The following CDH18 variants were observed in gnomAD, a reference collection of about 807,000 sequenced individuals.
The protein encoded by CDH18 is cadherin 18.
Under a neutral mutation model 67.9 loss-of-function variants are expected in CDH18, and 31 were observed. The ratio of observed to expected loss-of-function variants is 0.46; its 90% confidence interval spans 0.34 to 0.62. The LOEUF (loss-of-function observed/expected upper bound fraction) is 0.62, where lower values mean the gene tolerates loss of function less well. Among genes scored for constraint, CDH18 ranks in the 20% least tolerant of loss-of-function variants. The probability of loss-of-function intolerance (pLI) is 0.01; values close to 1 mark genes in which losing one functional copy is unlikely to be tolerated. For missense variants in CDH18, 890 were observed against 975.5 expected, an observed-to-expected ratio of 0.91 and a Z score of 1.17; for synonymous variants, 362 against 347.2, an observed-to-expected ratio of 1.04 and a Z score of -0.48.
intron 2 of CDH18, among the ~76,000 whole-genome samples, chr5:20,097,094 T>C (rs1746053775): frequency 6.6e-6 from 1 of 152,186 alleles, no homozygotes; most frequent in Non-Finnish European, 1.5e-5. Context: ...ATTTTAAAAA[T>C]TTATCTACCT....
intron 1 of CDH18, among the ~76,000 whole-genome samples, chr5:20,290,375 A>G (rs1218611035): frequency 6.6e-6 from 1 of 152,146 alleles, no homozygotes; most frequent in East Asian, 1.9e-4. Context: ...CTGTGCAGCT[A>G]GAAATGTGTG....
At chr5:19,780,617 A>G (rs552215499) in intron 3 of CDH18, among the ~76,000 whole-genome samples, 61 of 152,218 alleles carry the variant, frequency 4.0e-4, no homozygotes, top group African/African-American at 1.4e-3. Flanking sequence ...GCAGAACATC[A>G]CAGCCTGGTT....
intron 1 of CDH18, among the ~76,000 whole-genome samples, chr5:20,382,655 G>A (rs953623493): frequency 6.6e-6 from 1 of 152,052 alleles, no homozygotes; most frequent in African/African-American, 2.4e-5. Context: ...AGCTTAAGGG[G>A]TGCAATTAGG....
At chr5:19,921,353 A>G (rs905741648) in intron 2 of CDH18, among the ~76,000 whole-genome samples, 2 of 152,072 alleles carry the variant, frequency 1.3e-5, no homozygotes, top group Non-Finnish European at 2.9e-5. Flanking sequence ...AACACAGTGA[A>G]ACCCTGTCTC....
chr5:19,589,759 T>G (rs549693528), intron 7 of CDH18, among the ~76,000 whole-genome samples: 5 of 152,246 alleles, frequency 3.3e-5, no homozygotes, highest in African/African-American at 9.6e-5. Flanking sequence ...CCTCATTCCC[T>G]CTACTCTGGA....
At chr5:20,441,966 C>A (rs959535014) in intron 1 of CDH18, among the ~76,000 whole-genome samples, 1 of 151,846 alleles carries the variant, frequency 6.6e-6, no homozygotes, top group Admixed American at 6.6e-5. Flanking sequence ...CAGAAATGGT[C>A]AGGCAAAATT....
intron 1 of CDH18, among the ~76,000 whole-genome samples, chr5:20,509,924 A>G (rs1032575562): frequency 6.6e-6 from 1 of 152,176 alleles, no homozygotes; most frequent in Non-Finnish European, 1.5e-5. Context: ...GGATTGCCAG[A>G]TCATATGGTA....
intron 2 of CDH18, among the ~76,000 whole-genome samples, chr5:19,864,135 C>A: frequency 6.7e-6 from 1 of 150,318 alleles, no homozygotes; most frequent in Non-Finnish European, 1.5e-5. Flanking sequence ...ACCCAAATGT[C>A]CAACAATGAT....
At position 19,473,382 on chromosome 5, in the gene CDH18, G is replaced by A. The variant is rs868315562; in HGVS notation, c.2217C>T (p.Ala739=). ...CAGCTTCTGATCTCTGACCCTCATA[G>A]GCATAAGTCTGAAGAGAGTCATAAG... is the stretch of plus-strand genomic sequence containing the variant. ...VPPYDSLQTY[A]YEGQRSEAGS... is the part of the protein sequence containing the mutation. Residue 739 remains alanine, a synonymous_variant, in exon 13 of 13, where the codon GCC becomes GCT. Coordinates refer to ENST00000382275, the MANE Select transcript of CDH18 (RefSeq NM_004934.5). The A allele has an allele frequency of 1.2e-6, 2 of 1,613,794 alleles. No individual in the cohort carries two copies. Among genetic ancestry groups the A allele is most frequent in the Admixed American group, 1.7e-5 (1 of 59,922 alleles).
intron 2 of CDH18, among the ~76,000 whole-genome samples, chr5:20,188,584 A>G (rs1214451347): frequency 6.6e-6 from 1 of 151,982 alleles, no homozygotes; most frequent in Non-Finnish European, 1.5e-5. Context: ...TGAGAAAGGA[A>G]TTATTATTCC....
chr5:20,200,186 A>G (rs956063495), intron 2 of CDH18, among the ~76,000 whole-genome samples: 3 of 152,206 alleles, frequency 2.0e-5, no homozygotes, highest in African/African-American at 7.2e-5. Context: ...TCCTTTTTGT[A>G]CTTTTCGGTT....
chr5:19,653,974 A>T (rs1049669360), intron 5 of CDH18, among the ~76,000 whole-genome samples: 4 of 152,138 alleles, frequency 2.6e-5, no homozygotes, highest in African/African-American at 9.7e-5. Flanking sequence ...AAGAGGCTGG[A>T]GTGTGACTTG....
intron 2 of CDH18, among the ~76,000 whole-genome samples, chr5:20,046,676 GTA>G (rs1248585974): frequency 1.3e-5 from 2 of 149,158 alleles, no homozygotes; most frequent in Admixed American, 6.7e-5. Context: ...GTGTGTGTGT[GTA>G]TATATATATC....
intron 1 of CDH18, among the ~76,000 whole-genome samples, chr5:20,358,138 G>C (rs1449696356): frequency 6.6e-6 from 1 of 152,106 alleles, no homozygotes; most frequent in Non-Finnish European, 1.5e-5. Context: ...ATAGATACTG[G>C]AGACTACTAG....
chr5:20,109,674 G>A (rs776311988), intron 2 of CDH18, among the ~76,000 whole-genome samples: 80 of 152,028 alleles, frequency 5.3e-4, no homozygotes, highest in Non-Finnish European at 1.0e-3. Flanking sequence ...CCTTTTCTTG[G>A]TGCTTTAATT....
intron 12 of CDH18, among the ~76,000 whole-genome samples, chr5:19,482,343 C>A (rs184540773): frequency 2.6e-3 from 402 of 152,198 alleles, no homozygotes; most frequent in African/African-American, 9.3e-3. Flanking sequence ...GTCTCGATCT[C>A]CTGACTTCGT....
At chr5:20,306,588 G>T (rs1736480305) in intron 1 of CDH18, among the ~76,000 whole-genome samples, 1 of 152,046 alleles carries the variant, frequency 6.6e-6, no homozygotes, top group Non-Finnish European at 1.5e-5. Context: ...TGAATAAATT[G>T]AAATTTAAAT....
At chr5:20,290,641 T>C (rs1166076434) in intron 1 of CDH18, among the ~76,000 whole-genome samples, 1 of 152,120 alleles carries the variant, frequency 6.6e-6, no homozygotes, top group Non-Finnish European at 1.5e-5. Flanking sequence ...ATTCTGGTTG[T>C]ACGATATGAT....
At chr5:19,708,905 C>T (rs1764314542) in intron 5 of CDH18, among the ~76,000 whole-genome samples, 1 of 152,102 alleles carries the variant, frequency 6.6e-6, no homozygotes, top group Admixed American at 6.6e-5. Context: ...ATTCCTCTAG[C>T]ACCACTGGGT....
Sources: gnomAD v4.1 joint callset for allele counts (sites outside exome capture counted in the v4.1 genomes callset) on GRCh38, gnomAD v4.1.1 for gene constraint, MANE v1.5 for transcripts, NCBI Gene and HGNC (gene_info 2026-07-23, HGNC 2026-07-21) for gene names.